Variants in SFTPA1 observed in about 807,000 individuals in gnomAD.
SFTPA1 encodes the protein surfactant protein A1.
Under a neutral mutation model 19.1 loss-of-function variants are expected in SFTPA1, and 13 were observed. The ratio of observed to expected loss-of-function variants is 0.68; its 90% CI spans 0.44 to 1.08. The LOEUF is 1.08. Among genes scored for constraint, SFTPA1 ranks in the 50% least tolerant of loss-of-function variants. SFTPA1 has a pLI of 0.00. For missense variants in SFTPA1, 259 were observed against 316.4 expected (o/e 0.82, Z 1.38); for synonymous variants, 101 against 117.0 (o/e 0.86, Z 0.88).
At position 79,614,170 on chromosome 10, in the gene SFTPA1, G is replaced by A; in HGVS notation, c.*57G>A. Reference sequence around the variant, plus strand: ...CTCTCTGGCCTTCGGCCTCCATCCTGAGGCTCCACTTGGTCTGTGAGATGC... The same window carrying A: ...CTCTCTGGCCTTCGGCCTCCATCCTAAGGCTCCACTTGGTCTGTGAGATGC... On this transcript the variant is annotated 3_prime_UTR_variant, in exon 6 of 6. Transcript: ENST00000398636. 1 of 1,613,992 alleles carries A rather than the reference G, an allele frequency of 6.2e-7. No homozygotes were observed. The highest frequency in any genetic ancestry group is 8.5e-7 in the Non-Finnish European group (1 of 1,179,902).
In SFTPA1 at chr10:79,612,380, A is replaced by T. The variant is rs1059053; in HGVS notation, c.241A>T (p.Ile81Phe). ...GNDGLPGAPG[I>F]PGECGEKGEP... The stretch of plus-strand genomic sequence containing the variant: ...TGATGGGCTGCCTGGAGCCCCTGGT[A>T]TCCCTGGAGAGTGTGGAGAGAAGGG... Residue 81 changes from isoleucine to phenylalanine, a missense_variant, in exon 4 of 6, where the codon ATC (isoleucine) becomes TTC (phenylalanine). Coordinates refer to ENST00000398636, the MANE Select transcript of SFTPA1 (RefSeq NM_005411.5). 6.2e-7 allele frequency: 1 copy of T among 1,613,374 alleles called. No individual in the cohort carries two copies. Among genetic ancestry groups the T allele is most frequent in the Non-Finnish European group, 8.5e-7 (1 of 1,179,670 alleles).
In SFTPA1 at chr10:79,613,882, G is replaced by A. The variant is rs1384249994; in HGVS notation, c.516G>A (p.Glu172=). 4 of 1,613,878 alleles carry A rather than the reference G, an allele frequency of 2.5e-6. No homozygotes were observed. Among genetic ancestry groups the A allele is most frequent in the African/African-American group, 2.7e-5 (2 of 74,924 alleles). Residue 172 remains glutamate (E), a synonymous_variant, in exon 6 of 6, where the codon GAG becomes GAA. Coordinates refer to ENST00000398636, the MANE Select transcript of SFTPA1 (RefSeq NM_005411.5). ...IAVPRNPEEN[E]AIASFVKKYN... is the part of the protein sequence containing the mutation. The stretch of plus-strand genomic sequence containing the variant: ...TCCCAAGGAATCCAGAGGAAAATGA[G>A]GCCATTGCAAGCTTCGTGAAGAAGT...
intron 4 of SFTPA1, 94 bp from the exon 5 acceptor site, chr10:79,613,095 A>C: frequency 6.2e-7 from 1 of 1,608,718 alleles, no homozygotes; most frequent in South Asian, 1.1e-5. Context: ...GAAAGGGCAG[A>C]GTTCCAGGAT....
In SFTPA1 at chr10:79,611,916, G is replaced by A; in HGVS notation, c.91G>A (p.Gly31Ser). The change falls in exon 3 of 6, where the codon GGT (glycine) becomes AGT (serine). Residue 31 changes from glycine to serine, a missense_variant. By Grantham distance (56) the Gly-to-Ser change is moderately conservative. Transcript: ENST00000398636. ...EVKDVCVGSP[G>S]IPGTPGSHGL... is the part of the protein sequence containing the mutation. ...GAAGGACGTTTGTGTTGGAAGCCCT[G>A]GTATCCCCGGCACTCCTGGATCCCA... 6.2e-7 allele frequency: 1 copy of A among 1,613,948 alleles called. No homozygotes were observed. The highest frequency in any genetic ancestry group is 8.5e-7 in the Non-Finnish European group (1 of 1,179,854).
intron 1 of SFTPA1, 121 bp from the exon 2 acceptor site, chr10:79,611,198 T>G: frequency 1.0e-5 from 2 of 191,408 alleles, no homozygotes. Context: ...CCCTACAGGG[T>G]TCAGCAGGGC....
intron 4 of SFTPA1, 32 bp downstream of exon 4, chr10:79,612,463 A>G (rs2132127534): frequency 1.2e-6 from 2 of 1,605,036 alleles, no homozygotes; most frequent in Non-Finnish European, 1.7e-6. Context: ...GGCAGTGGAA[A>G]CATGGGCACA....
At position 79,612,342 on chromosome 10, in the gene SFTPA1, G is replaced by A. The variant is rs776962763; in HGVS notation, c.203G>A (p.Cys68Tyr). 3.7e-6 allele frequency: 6 copies of A among 1,613,820 alleles called. No individual in the cohort carries two copies. Among genetic ancestry groups the A allele is most frequent in the Admixed American group, 1.7e-5 (1 of 60,006 alleles). The change falls in exon 4 of 6, where the codon TGT (cysteine) becomes TAT (tyrosine). Residue 68 changes from cysteine (C) to tyrosine (Y), a missense_variant. Cys to Tyr is a radical substitution (Grantham distance 194). Transcript: ENST00000398636. ...ATGGGTCCACCTGGAGAAATGCCAT[G>A]TCCTCCTGGAAATGATGGGCTGCCT... ...GPMGPPGEMP[C>Y]PPGNDGLPGA... is the part of the protein sequence containing the mutation.
Position 79,612,415 on chromosome 10 carries a change from C to T in SFTPA1, c.276C>T (p.Gly92=), listed in dbSNP as rs369292352. ...PGECGEKGEP[G]ERGPPGLPAH... ...AGTGTGGAGAGAAGGGGGAGCCTGG[C>T]GAGAGGGGCCCTCCAGGTGAGCAGG... Residue 92 remains glycine, a synonymous_variant, in exon 4 of 6, where the codon GGC becomes GGT. Transcript: ENST00000398636. 54 of 1,612,778 alleles carry T rather than the reference C, an allele frequency of 3.3e-5. 1 individual carries two copies. The highest frequency in any genetic ancestry group is 2.2e-4 in the South Asian group (20 of 91,024).
rs749888268 is a variant in SFTPA1, at chr10:79,612,474, G to A, written c.292+43G>A. 17 of 1,601,904 alleles carry A rather than the reference G, an allele frequency of 1.1e-5. No homozygotes were observed. In the South Asian group the frequency reaches 1.6e-4, roughly 15 times the overall value. On this transcript the variant is annotated intron_variant, in intron 4 of 5. Transcript: ENST00000398636. ...GGTGGGCAGTGGAAACATGGGCACA[G>A]CGACCCTGAAGTCAGTTACACGGGG...
At position 79,613,284 on chromosome 10, in the gene SFTPA1, G is replaced by A. The variant is rs1450301508; in HGVS notation, c.370+18G>A. 1 of 1,614,070 alleles carries A rather than the reference G, an allele frequency of 6.2e-7. No homozygotes were observed. The highest frequency in any genetic ancestry group is 1.1e-5 in the South Asian group (1 of 91,074). ...AAGGGGAGGTAAGGGGACCCCCTGG[G>A]CCTCACGGGGTAGGAGTTTCCCACA... On this transcript the variant is annotated intron_variant, in intron 5 of 5. Transcript: ENST00000398636.
chr10:79,614,077 C>A lies in SFTPA1; in HGVS notation c.711C>A (p.Asn237Lys). ...CAGATGGGCAGTGGAATGACAGGAACTGCCTGTACTCCCGACTGACCATCT... is the reference window on the plus strand; with the variant it reads ...CAGATGGGCAGTGGAATGACAGGAAATGCCTGTACTCCCGACTGACCATCT... ...MYTDGQWNDR[N>K]CLYSRLTICE... The change falls in exon 6 of 6, where the codon AAC (asparagine) becomes AAA (lysine). Residue 237 changes from asparagine (N) to lysine (K), a missense_variant. Coordinates refer to ENST00000398636, the MANE Select transcript of SFTPA1 (RefSeq NM_005411.5). The A allele has an allele frequency of 6.2e-7, 1 of 1,614,192 alleles. No individual in the cohort carries two copies. Among genetic ancestry groups the A allele is most frequent in the Non-Finnish European group, 8.5e-7 (1 of 1,180,024 alleles).
intron 2 of SFTPA1, 107 bp from the exon 3 acceptor site, chr10:79,611,696 C>T: frequency 6.3e-7 from 1 of 1,599,332 alleles, no homozygotes; most frequent in Non-Finnish European, 8.5e-7. Flanking sequence ...TCTGGTCTCG[C>T]CCGCCCTGCC....
At chr10:79,613,121 A>C in intron 4 of SFTPA1, 68 bp from the exon 5 acceptor site, 1 of 1,612,540 alleles carries the variant, frequency 6.2e-7, no homozygotes, top group South Asian at 1.1e-5. Flanking sequence ...ATGGCAAAAC[A>C]CCTGCGTGGC....
chr10:79,613,314 C>T, intron 5 of SFTPA1, 48 bp downstream of exon 5: 2 of 1,610,990 alleles, frequency 1.2e-6, no homozygotes, highest in South Asian at 2.2e-5. Flanking sequence ...CCCACAAATT[C>T]CCCTCATTCT....
At position 79,611,518 on chromosome 10, in the gene SFTPA1, G is replaced by A. The variant is rs1859843659; in HGVS notation, c.-24+129G>A. On this transcript the variant is annotated intron_variant, in intron 2 of 5. Transcript: ENST00000398636. ...CATAGTGAGGCACTGAAAGAAAGGA[G>A]ACTGCACTGGAGCCCAGGTCCCCGG... The A allele has an allele frequency of 7.0e-6, 10 of 1,436,562 alleles. No individual in the cohort carries two copies. The South Asian group carries it at 1.3e-4, about 19-fold the overall frequency. The allele number at this position is 1,436,562 out of a possible 1,614,324, so 89.0% of individuals were successfully genotyped here.
Position 79,611,399 on chromosome 10 carries a change from C to G in SFTPA1, c.-24+10C>G. Reference sequence around the variant, plus strand: ...TGGTGTGAGTCAGTGAGTGAGTGACCTGACTAATAGCCTGGGAGGGACAGG... The same window carrying G: ...TGGTGTGAGTCAGTGAGTGAGTGACGTGACTAATAGCCTGGGAGGGACAGG... On this transcript the variant is annotated intron_variant, in intron 2 of 5. Transcript: ENST00000398636. 1.6e-6 allele frequency: 1 copy of G among 608,146 alleles called. No homozygotes were observed. Among genetic ancestry groups the G allele is most frequent in the Non-Finnish European group, 2.9e-6 (1 of 349,176 alleles). 37.7% of individuals were successfully genotyped at this position (608,146 alleles called of 1,614,324 possible).
chr10:79,614,232 T>A lies in SFTPA1; in HGVS notation c.*119T>A, dbSNP rs1421290449. 12 of 1,555,286 alleles carry A rather than the reference T, an allele frequency of 7.7e-6. No homozygotes were observed. The highest frequency in any genetic ancestry group is 1.1e-5 in the Non-Finnish European group (12 of 1,139,000). On this transcript the variant is annotated 3_prime_UTR_variant, in exon 6 of 6. Coordinates refer to ENST00000398636, the MANE Select transcript of SFTPA1 (RefSeq NM_005411.5). ...TTCAACAGAATTCACTTGTGGCTAT[T>A]GGGACTGGAGGCACCCTTAGCCACT...
chr10:79,612,258 T>C, intron 3 of SFTPA1, 54 bp from the exon 4 acceptor site: 1 of 1,613,634 alleles, frequency 6.2e-7, no homozygotes, highest in Non-Finnish European at 8.5e-7. Context: ...TCTCACTAGC[T>C]CCAACCAGTT....
chr10:79,613,392 G>A lies in SFTPA1; in HGVS notation c.370+126G>A, dbSNP rs1589240755. On this transcript the variant is annotated intron_variant, in intron 5 of 5. Transcript: ENST00000398636. ...ACATGCAGGTCTTGGGGAAAGGAATGACGCTTGCTTTTCTGATGTCTTTGA... is the reference window on the plus strand; with the variant it reads ...ACATGCAGGTCTTGGGGAAAGGAATAACGCTTGCTTTTCTGATGTCTTTGA... 4.8e-6 allele frequency: 7 copies of A among 1,444,270 alleles called. No individual in the cohort carries two copies. The East Asian group carries it at 1.4e-4, about 28-fold the overall frequency. 89.5% of individuals were successfully genotyped at this position (1,444,270 alleles called of 1,614,324 possible). A position where few individuals can be genotyped will look rare whatever the true frequency, so the allele number is the denominator to read the frequency against.
Sources: allele counts gnomAD v4.1 joint callset, GRCh38; gene constraint gnomAD v4.1.1; transcripts MANE v1.5; gene names NCBI Gene and HGNC (gene_info 2026-07-23, HGNC 2026-07-21).